LPIN2: variants seen among roughly 807,000 people sequenced by gnomAD.
LPIN2 encodes lipin 2.
LPIN2 carries 55 observed loss-of-function variants against 111.4 expected under a neutral mutation model. That is an observed-to-expected ratio of 0.49 (90% CI 0.40 to 0.62). The LOEUF (loss-of-function observed/expected upper bound fraction) is 0.62, where lower values mean the gene tolerates loss of function less well. Ranked by LOEUF, LPIN2 falls within the 20% of genes least tolerant of loss-of-function variation. The pLI, the probability that LPIN2 is intolerant of heterozygous loss-of-function variation, is 0.00. For missense variants in LPIN2, 992 were observed against 1,112.1 expected, an observed-to-expected ratio of 0.89 and a Z score of 1.54; for synonymous variants, 425 against 414.0, an observed-to-expected ratio of 1.03 and a Z score of -0.32.
chr18:2,982,747 T>C, intron 1 of LPIN2: 2 of 1,301,518 alleles, frequency 1.5e-6, no homozygotes, highest in Non-Finnish European at 2.0e-6. Flanking sequence ...CTCATCTTCC[T>C]TGTCATCTTC....
rs543600779 is a variant in LPIN2, at chr18:2,973,052, C to G, written c.-9-12203G>C. ...ATAATTAATAATGAAAGATATTAAA[C>G]TATTACTTAAGTTAACCTTTGTGTA... On this transcript the variant is annotated intron_variant, in intron 1 of 19. Transcript: ENST00000677752. Among the ~76,000 whole-genome samples, 11 of 152,290 alleles carry G rather than the reference C, an allele frequency of 7.2e-5. 1 individual carries two copies. In the South Asian group the frequency reaches 2.1e-3, roughly 29 times the overall value.
chr18:2,949,658 T>TA (rs1336172879), intron 4 of LPIN2, among the ~76,000 whole-genome samples: 1 of 152,180 alleles, frequency 6.6e-6, no homozygotes, highest in Non-Finnish European at 1.5e-5. Flanking sequence ...TATCGAATTG[T>TA]AAAAAATTAC....
intron 3 of LPIN2, among the ~76,000 whole-genome samples, chr18:2,952,219 G>C (rs548181377): frequency 6.6e-6 from 1 of 152,324 alleles, no homozygotes; most frequent in South Asian, 2.1e-4. Flanking sequence ...CTGAGGTCAG[G>C]AGTTTGAGAC....
chr18:2,953,800 C>T (rs603080), intron 3 of LPIN2, among the ~76,000 whole-genome samples: 85,175 of 151,768 alleles, frequency 0.56, 24,431 homozygotes, highest in Non-Finnish European at 0.62. Context: ...ATGCACATTA[C>T]GTGATCTGAG....
intron 2 of LPIN2, among the ~76,000 whole-genome samples, chr18:2,957,877 G>C (rs12970468): frequency 2.6e-5 from 4 of 151,682 alleles, no homozygotes; most frequent in Non-Finnish European, 5.9e-5. Context: ...CTGACCAGGC[G>C]TGGTGGCTCA....
intron 2 of LPIN2, among the ~76,000 whole-genome samples, chr18:2,958,154 A>AAAAAAAAAAAAAAAAAAAG (rs2077645506): frequency 9.2e-6 from 1 of 108,656 alleles, no homozygotes; most frequent in African/African-American, 4.1e-5. Flanking sequence ...AAAAAAAAAA[A>AAAAAAAAAAAAAAAAAAAG]AAACAACAAA....
chr18:2,946,073 A>G, intron 4 of LPIN2: 6 of 1,486,556 alleles, frequency 4.0e-6, no homozygotes, highest in Non-Finnish European at 3.8e-6. Flanking sequence ...CCATTCTTAC[A>G]TGAGGTCCCA....
Position 2,937,969 on chromosome 18 carries a change from A to G in LPIN2, c.891T>C (p.His297=), listed in dbSNP as rs1169821101. 3 of 1,614,070 alleles carry G rather than the reference A, an allele frequency of 1.9e-6. No homozygotes were observed. In the African/African-American group the frequency reaches 4.0e-5, roughly 22 times the overall value. ...TGTCCTCACTGGGAATTACCCGAAAATGAGTATTTTCTGATGGTGTAATTG... is the reference window on the plus strand; with the variant it reads ...TGTCCTCACTGGGAATTACCCGAAAGTGAGTATTTTCTGATGGTGTAATTG... The part of the protein sequence containing the change: ...TATITPSENT[H]FRVIPSEDNL... The change falls in exon 7 of 20, where the codon CAT becomes CAC. Residue 297 remains histidine, a synonymous_variant. Coordinates refer to ENST00000677752, the MANE Select transcript of LPIN2 (RefSeq NM_001375808.2).
rs557956303 is a variant in LPIN2, at chr18:2,920,454, G to A, written c.2547-17C>T. 2.5e-6 allele frequency: 4 copies of A among 1,613,406 alleles called. No homozygotes were observed. The highest frequency in any genetic ancestry group is 3.3e-5 in the Admixed American group (2 of 60,030). ...CTGTGATACCTAAGAGAAAGGTTGG[G>A]GAAGAGGCACAGGCTATTACTTCAA... On this transcript the variant is annotated splice_polypyrimidine_tract_variant and intron_variant, in intron 19 of 19. Coordinates refer to ENST00000677752, the MANE Select transcript of LPIN2 (RefSeq NM_001375808.2).
intron 10 of LPIN2, 72 bp from the exon 11 acceptor site, chr18:2,928,732 G>A (rs2144148840): frequency 9.4e-7 from 1 of 1,069,244 alleles, no homozygotes; most frequent in South Asian, 1.3e-5. Context: ...GGGAATCAGG[G>A]AGGGAGGGAG....
intron 7 of LPIN2, among the ~76,000 whole-genome samples, chr18:2,937,272 G>A (rs756062728): frequency 1.3e-5 from 2 of 151,968 alleles, no homozygotes; most frequent in African/African-American, 2.4e-5. Flanking sequence ...GCCTGGGCAC[G>A]GTGGCTCACA....
At position 3,007,952 on chromosome 18, in the gene LPIN2, G is replaced by A. The variant is rs191399977; in HGVS notation, c.-10+5135C>T. On this transcript the variant is annotated intron_variant, in intron 1 of 19. Transcript: ENST00000677752. ...CAGTGCAGCTGAACATACCTATCTT[G>A]CCAGGAACCATAAATGTCATATCAT... Among the ~76,000 whole-genome samples the A allele has an allele frequency of 9.8e-3, 1,495 of 152,306 alleles. 14 individuals are homozygous for A. The highest frequency in any genetic ancestry group is 0.016 in the Non-Finnish European group (1,122 of 68,026).
rs763481163 is a variant in LPIN2 at position 2,928,573 on chromosome 18, G to A, written c.1620+18C>T. On this transcript the variant is annotated intron_variant, in intron 11 of 19. Transcript: ENST00000677752. ...TGCGGATGCTTTCGGAAAGGCAGCA[G>A]ATGGTGGATCGCCTCACCTTAGGCA... The A allele has an allele frequency of 1.2e-6, 2 of 1,613,750 alleles. No homozygotes were observed. Among genetic ancestry groups the A allele is most frequent in the Non-Finnish European group, 8.5e-7 (1 of 1,179,648 alleles).
chr18:2,935,322 A>G (rs2077271229), intron 7 of LPIN2, among the ~76,000 whole-genome samples: 1 of 152,230 alleles, frequency 6.6e-6, no homozygotes, highest in Admixed American at 6.5e-5. Context: ...TGTGATTCAT[A>G]TTCCATTTCT....
Position 2,954,616 on chromosome 18 carries a change from G to T in LPIN2, c.193-17C>A. ...TATATCAATCTATGGGAGAAACAAA[G>T]TATGACTTAATGTTCAAGGAGTCTT... On this transcript the variant is annotated splice_polypyrimidine_tract_variant and intron_variant, in intron 2 of 19. Coordinates refer to ENST00000677752, the MANE Select transcript of LPIN2 (RefSeq NM_001375808.2). 1 of 1,529,736 alleles carries T rather than the reference G, an allele frequency of 6.5e-7. No individual in the cohort carries two copies. Among genetic ancestry groups the T allele is most frequent in the Non-Finnish European group, 9.1e-7 (1 of 1,102,988 alleles). The allele number at this position is 1,529,736 out of a possible 1,614,324, so 94.8% of individuals were successfully genotyped here.
chr18:2,979,621 T>C (rs527373070), intron 1 of LPIN2, among the ~76,000 whole-genome samples: 105 of 152,334 alleles, frequency 6.9e-4, no homozygotes, highest in African/African-American at 2.5e-3. Context: ...TATGTTTTAA[T>C]TGTAAACTAC....
intron 9 of LPIN2, among the ~76,000 whole-genome samples, chr18:2,930,501 C>T (rs1426932234): frequency 3.3e-5 from 5 of 152,348 alleles, no homozygotes; most frequent in African/African-American, 1.2e-4. Context: ...GCCATGCAGT[C>T]TGCCACATCA....
At chr18:2,998,454 C>G (rs895275549) in intron 1 of LPIN2, among the ~76,000 whole-genome samples, 1 of 152,152 alleles carries the variant, frequency 6.6e-6, no homozygotes, top group African/African-American at 2.4e-5. Context: ...ATTCTGAGAG[C>G]TGGGGATCAA....
chr18:2,928,713 G>C, intron 10 of LPIN2, 53 bp from the exon 11 acceptor site: 1 of 1,323,416 alleles, frequency 7.6e-7, no homozygotes, highest in Non-Finnish European at 1.1e-6. Flanking sequence ...GTGAGCAAGA[G>C]AGAGGGGAGG....
Sources: gnomAD v4.1 joint callset for allele counts (sites outside exome capture counted in the v4.1 genomes callset) on GRCh38, gnomAD v4.1.1 for gene constraint, MANE v1.5 for transcripts, NCBI Gene and HGNC (gene_info 2026-07-23, HGNC 2026-07-21) for gene names.